INTS4: variants seen among roughly 807,000 people sequenced by gnomAD.
The protein encoded by INTS4 is MSTP093.
INTS4 carries 70 observed loss-of-function variants against 119.5 expected under a neutral mutation model. The ratio of observed to expected loss-of-function variants is 0.59; its 90% CI spans 0.48 to 0.71. INTS4 has a LOEUF of 0.71. Ranked by LOEUF, INTS4 falls within the 30% of genes least tolerant of loss-of-function variation. The pLI is 0.00. For synonymous variants in INTS4, 316 were observed against 419.6 expected (o/e 0.75, Z 3.02); for missense variants, 867 against 1,173.2 (o/e 0.74, Z 3.81).
At chr11:77,970,139 G>A (rs1591125125) in intron 4 of INTS4, among the ~76,000 whole-genome samples, 1 of 152,190 alleles carries the variant, frequency 6.6e-6, no homozygotes, top group Non-Finnish European at 1.5e-5. Flanking sequence ...GCTCATGCCT[G>A]TAATCCCAGC....
rs561714305 is a variant in INTS4, at chr11:77,906,165, G to A, written c.2016+1552C>T. Among the ~76,000 whole-genome samples, 32 of 152,182 alleles carry A rather than the reference G, an allele frequency of 2.1e-4. No individual in the cohort carries two copies. The South Asian group carries it at 6.7e-3, about 32-fold the overall frequency. On this transcript the variant is annotated intron_variant, in intron 16 of 22. Transcript: ENST00000534064. ...AAACAGTTTAGGACTATGATGTTCTGGACTATCTTTTGGGATTATGATTGG... is the reference window on the plus strand; with the variant it reads ...AAACAGTTTAGGACTATGATGTTCTAGACTATCTTTTGGGATTATGATTGG...
At chr11:77,954,283 T>TTA (rs1565269347) in intron 8 of INTS4, among the ~76,000 whole-genome samples, 319 of 151,716 alleles carry the variant, frequency 2.1e-3, no homozygotes, top group African/African-American at 7.2e-3. Flanking sequence ...AACAGCATTT[T>TTA]AAAAAAAAAA....
rs565622764 is a variant in INTS4, at chr11:77,913,307, ATT to A, written c.1923-5499_1923-5498del. Among the ~76,000 whole-genome samples, 532 of 122,752 alleles carry A rather than the reference ATT, an allele frequency of 4.3e-3. 3 individuals are homozygous for A. The highest frequency in any genetic ancestry group is 0.015 in the African/African-American group (471 of 31,906). The allele number at this position is 122,752 out of a possible 152,430, so 80.5% of individuals were successfully genotyped here. A position where few individuals can be genotyped will look rare whatever the true frequency, so the allele number is the denominator to read the frequency against. The stretch of plus-strand genomic sequence containing the variant: ...ATGTTAAATAAGCCAGTTAGTTTAA[ATT>A]TTTTTTTTTTTTTTTTTTTTGAGAT... On this transcript the variant is annotated intron_variant, in intron 15 of 22. Transcript: ENST00000534064.
At chr11:77,885,516 T>C (rs1425607115) in intron 21 of INTS4, among the ~76,000 whole-genome samples, 1 of 152,112 alleles carries the variant, frequency 6.6e-6, no homozygotes, top group African/African-American at 2.4e-5. Context: ...GCTTCATTTT[T>C]TTTTAGAAAA....
Position 77,924,839 on chromosome 11 carries a change from A to G in INTS4, c.1425T>C (p.Asn475=), listed in dbSNP as rs1293718234. The change falls in exon 12 of 23, where the codon AAT becomes AAC. Residue 475 remains asparagine (N), a synonymous_variant. Coordinates refer to ENST00000534064, the MANE Select transcript of INTS4 (RefSeq NM_033547.4). ...GATGAATCCCTTCTTTGGTTGAAAC[A>G]TTAGTACAGCATAAGAGTTCATGAA... The part of the protein sequence containing the change: ...EALHELLCCT[N]VSTKEGIHLA... 3 of 1,591,708 alleles carry G rather than the reference A, an allele frequency of 1.9e-6. No individual in the cohort carries two copies. The highest frequency in any genetic ancestry group is 2.2e-5 in the East Asian group (1 of 44,768).
intron 11 of INTS4, 127 bp downstream of exon 11, chr11:77,928,215 G>C: frequency 2.2e-6 from 2 of 892,348 alleles, no homozygotes; most frequent in Non-Finnish European, 3.5e-6. Context: ...TTAGGGAAGG[G>C]GTATGGTGAG....
chr11:77,901,553 T>C lies in INTS4; in HGVS notation c.2098-2A>G. On this transcript the variant is annotated splice_acceptor_variant, in intron 17 of 22. Coordinates refer to ENST00000534064, the MANE Select transcript of INTS4 (RefSeq NM_033547.4). LOFTEE classifies it high-confidence loss of function. ...CATTTTGTAGGTCTCTTCCATAATC[T>C]ATAAAGGAAAGATAATTAACAATCA... 1 of 1,595,668 alleles carries C rather than the reference T, an allele frequency of 6.3e-7. No individual in the cohort carries two copies. Among genetic ancestry groups the C allele is most frequent in the Middle Eastern group, 1.7e-4 (1 of 6,030 alleles).
At chr11:77,877,070 A>G, downstream of INTS4, 1 of 702,546 alleles carries the variant, frequency 1.4e-6, no homozygotes, top group Non-Finnish European at 2.6e-6. Flanking sequence ...TAGAAAAGTC[A>G]GCTCCCTGGA....
intron 2 of INTS4, 79 bp from the exon 3 acceptor site, chr11:77,981,655 C>A (rs1402049338): frequency 3.3e-6 from 2 of 606,896 alleles, no homozygotes; most frequent in South Asian, 3.3e-5. Flanking sequence ...AAACTAACAT[C>A]CCAAAAGAGA....
At chr11:77,974,143 T>C (rs555519205) in intron 4 of INTS4, among the ~76,000 whole-genome samples, 12 of 152,210 alleles carry the variant, frequency 7.9e-5, no homozygotes, top group Non-Finnish European at 1.6e-4. Flanking sequence ...ATTCAGATTG[T>C]CTATTTCTTT....
At chr11:77,916,933 T>C (rs1254477329) in intron 15 of INTS4, among the ~76,000 whole-genome samples, 1 of 152,236 alleles carries the variant, frequency 6.6e-6, no homozygotes, top group Non-Finnish European at 1.5e-5. Flanking sequence ...ACTGGCTTAT[T>C]AGAATAAACA....
intron 1 of INTS4, among the ~76,000 whole-genome samples, chr11:77,994,022 C>A (rs1346808362): frequency 6.6e-6 from 1 of 152,044 alleles, no homozygotes; most frequent in African/African-American, 2.4e-5. Flanking sequence ...AAGGTACTGC[C>A]CTCCTTCCTA....
intron 15 of INTS4, chr11:77,915,234 T>C (rs9704476): frequency 0.39 from 58,834 of 152,804 alleles, 11,512 homozygotes; most frequent in African/African-American, 0.42. Context: ...CAGTCAACAG[T>C]AGGATTTTCT....
chr11:77,901,491 C>T lies in INTS4; in HGVS notation c.2158G>A (p.Val720Met), dbSNP rs781717894. 6.2e-7 allele frequency: 1 copy of T among 1,612,976 alleles called. No homozygotes were observed. The highest frequency in any genetic ancestry group is 8.5e-7 in the Non-Finnish European group (1 of 1,179,072). ...TGCAGCCTCATGTGATGTATAATCACCACCTGCTTATTCTCCACACCACTG... is the reference window on the plus strand; with the variant it reads ...TGCAGCCTCATGTGATGTATAATCATCACCTGCTTATTCTCCACACCACTG... ...MYSGVENKQV[V>M]IIHHMRLQAK... Residue 720 changes from valine to methionine, a missense_variant, in exon 18 of 23, where the codon GTG becomes ATG. Coordinates refer to ENST00000534064, the MANE Select transcript of INTS4 (RefSeq NM_033547.4).
chr11:77,939,438 G>A (rs1181007032), intron 9 of INTS4, among the ~76,000 whole-genome samples: 1 of 151,240 alleles, frequency 6.6e-6, no homozygotes, highest in African/African-American at 2.4e-5. Context: ...GCGAGACTCC[G>A]CCTCAAAAAA....
chr11:77,984,527 T>C (rs1856378053), intron 2 of INTS4, among the ~76,000 whole-genome samples: 1 of 150,266 alleles, frequency 6.7e-6, no homozygotes, highest in South Asian at 2.1e-4. Context: ...TAGATGGTGG[T>C]TGCCAGGGGC....
chr11:77,926,759 C>T (rs59363412), intron 11 of INTS4, among the ~76,000 whole-genome samples: 22,127 of 148,770 alleles, frequency 0.15, 1,877 homozygotes, highest in East Asian at 0.26. Flanking sequence ...TTGCAGTAAG[C>T]CAAGATCGTA....
intron 18 of INTS4, among the ~76,000 whole-genome samples, chr11:77,899,865 T>A (rs1386465841): frequency 2.6e-5 from 4 of 152,048 alleles, no homozygotes; most frequent in African/African-American, 9.7e-5. Context: ...GTTTATATGG[T>A]TTGGGAAAAT....
intron 11 of INTS4, among the ~76,000 whole-genome samples, chr11:77,925,510 T>A (rs1180705049): frequency 1.3e-5 from 2 of 151,988 alleles, no homozygotes; most frequent in Non-Finnish European, 2.9e-5. Flanking sequence ...CAAAGCCCAA[T>A]AAAGAGAGGT....
Sources: gnomAD v4.1 joint callset for allele counts (sites outside exome capture counted in the v4.1 genomes callset) on GRCh38, gnomAD v4.1.1 for gene constraint, MANE v1.5 for transcripts, NCBI Gene and HGNC (gene_info 2026-07-23, HGNC 2026-07-21) for gene names.